The following BCL2L13 variants were observed in gnomAD, a reference collection of about 807,000 sequenced individuals.
The protein encoded by BCL2L13 is BCL2 like 13, also known as bcl-2-like protein 13.
BCL2L13 carries 13 observed loss-of-function variants against 25.8 expected under a neutral mutation model. The observed-to-expected ratio is 0.50, with a 90% CI of 0.33 to 0.80. The LOEUF is 0.80. Ranked by LOEUF, BCL2L13 falls within the 30% of genes least tolerant of loss-of-function variation. The pLI, the probability that BCL2L13 is intolerant of heterozygous loss-of-function variation, is 0.02. For missense variants in BCL2L13, 504 were observed against 574.9 expected, an observed-to-expected ratio of 0.88 and a Z score of 1.26; for synonymous variants, 244 against 230.3, an observed-to-expected ratio of 1.06 and a Z score of -0.54.
intron 6 of BCL2L13, among the ~76,000 whole-genome samples, chr22:17,715,964 A>G (rs182458061): frequency 6.6e-6 from 1 of 152,342 alleles, no homozygotes; most frequent in East Asian, 1.9e-4. Context: ...TCATCCAAGC[A>G]TTTATTGAGC....
At chr22:17,710,067 TA>T (rs71201876) in intron 6 of BCL2L13, among the ~76,000 whole-genome samples, 4,869 of 91,374 alleles carry the variant, frequency 0.053, 150 homozygotes, top group African/African-American at 0.14. Flanking sequence ...GACCTTGTCT[TA>T]AAAAAAAAAA....
At chr22:17,725,585 T>G (rs988147930) in intron 6 of BCL2L13, among the ~76,000 whole-genome samples, 3 of 152,182 alleles carry the variant, frequency 2.0e-5, no homozygotes, top group African/African-American at 2.4e-5. Context: ...TATGAACTCT[T>G]AATGGCACTT....
chr22:17,635,553 G>A (rs554203589), upstream of BCL2L13, among the ~76,000 whole-genome samples: 1 of 152,190 alleles, frequency 6.6e-6, no homozygotes, highest in Non-Finnish European at 1.5e-5. Flanking sequence ...TAGGTTTTCT[G>A]TTCTGTTCCA....
chr22:17,661,781 C>T (rs942540280), intron 2 of BCL2L13, among the ~76,000 whole-genome samples: 2 of 144,544 alleles, frequency 1.4e-5, no homozygotes, highest in South Asian at 2.2e-4. Context: ...CACCTGAGGT[C>T]GGGAGTTAGA....
chr22:17,660,501 C>T (rs1379622502), intron 2 of BCL2L13, among the ~76,000 whole-genome samples: 1 of 146,094 alleles, frequency 6.8e-6, no homozygotes, highest in Non-Finnish European at 1.6e-5. Context: ...CTCACTGCAA[C>T]CTTCACCTTC....
chr22:17,712,743 G>A (rs1384690226), intron 6 of BCL2L13, among the ~76,000 whole-genome samples: 1 of 152,166 alleles, frequency 6.6e-6, no homozygotes, highest in African/African-American at 2.4e-5. Flanking sequence ...TTTGGTGAGT[G>A]GGTTCTCCTC....
At chr22:17,648,062 G>A (rs556257253) in intron 1 of BCL2L13, among the ~76,000 whole-genome samples, 5 of 151,756 alleles carry the variant, frequency 3.3e-5, no homozygotes, top group East Asian at 3.9e-4. Flanking sequence ...CCCAGGAGGC[G>A]AAGGTTGCAG....
chr22:17,706,036 CAG>C (rs1243768834), intron 6 of BCL2L13, among the ~76,000 whole-genome samples: 4 of 152,298 alleles, frequency 2.6e-5, no homozygotes, highest in African/African-American at 9.6e-5. Flanking sequence ...GACTTAGAAA[CAG>C]GGTCTTGCTT....
chr22:17,654,279 A>G (rs2058778299), intron 1 of BCL2L13, among the ~76,000 whole-genome samples: 1 of 151,770 alleles, frequency 6.6e-6, no homozygotes, highest in Admixed American at 6.6e-5. Context: ...AATTTTTAAC[A>G]TTTATTTAGA....
intron 2 of BCL2L13, among the ~76,000 whole-genome samples, chr22:17,667,539 A>G (rs1490425824): frequency 1.3e-5 from 2 of 151,140 alleles, no homozygotes; most frequent in Admixed American, 1.3e-4. Flanking sequence ...GACAGAGTCT[A>G]TCTCTGTTGC....
chr22:17,656,232 T>A (rs5992779), intron 2 of BCL2L13, among the ~76,000 whole-genome samples: 26,333 of 89,486 alleles, frequency 0.29, 3,233 homozygotes, highest in African/African-American at 0.44. Flanking sequence ...AGAGTGAGAC[T>A]CCATCTCAAA....
At position 17,728,083 on chromosome 22, in the gene BCL2L13, A is replaced by G. The variant is rs2061341937; in HGVS notation, c.*549A>G. The G allele has an allele frequency of 6.3e-6, 1 of 157,696 alleles. No homozygotes were observed. Among genetic ancestry groups the G allele is most frequent in the African/African-American group, 2.4e-5 (1 of 41,214 alleles). The allele number at this position is 157,696 out of a possible 1,614,324, so 9.8% of individuals were successfully genotyped here. On this transcript the variant is annotated 3_prime_UTR_variant, in exon 7 of 7. Coordinates refer to ENST00000317582, the MANE Select transcript of BCL2L13 (RefSeq NM_015367.4). Reference sequence around the variant, plus strand: ...TAGCTCTTAATCCCCTTAGAATTTCATCTTTCTCGATGAGCAGGCTCTGCA... The same window carrying G: ...TAGCTCTTAATCCCCTTAGAATTTCGTCTTTCTCGATGAGCAGGCTCTGCA...
chr22:17,671,152 TG>T (rs914907796), intron 2 of BCL2L13, among the ~76,000 whole-genome samples: 2 of 151,726 alleles, frequency 1.3e-5, no homozygotes, highest in African/African-American at 4.8e-5. Context: ...GCCAACACTT[TG>T]GGAGGCCGAG....
chr22:17,669,272 T>A (rs567064313), intron 2 of BCL2L13, among the ~76,000 whole-genome samples: 1 of 152,262 alleles, frequency 6.6e-6, no homozygotes, highest in East Asian at 1.9e-4. Flanking sequence ...GACCTCGTGA[T>A]CTGCCCGCCT....
chr22:17,695,021 TCTG>T (rs2060221009), intron 4 of BCL2L13, among the ~76,000 whole-genome samples: 1 of 145,160 alleles, frequency 6.9e-6, no homozygotes, highest in Non-Finnish European at 1.5e-5. Flanking sequence ...GTCATGCAAA[TCTG>T]CTACAGGTGT....
chr22:17,689,176 T>C, intron 4 of BCL2L13, 34 bp downstream of exon 4: 4 of 1,606,064 alleles, frequency 2.5e-6, no homozygotes, highest in Non-Finnish European at 3.4e-6. Context: ...TGTGCTTCTT[T>C]AAGTAGTCTC....
intron 2 of BCL2L13, among the ~76,000 whole-genome samples, chr22:17,673,384 CAG>C (rs1306837563): frequency 1.5e-5 from 2 of 130,552 alleles, no homozygotes; most frequent in African/African-American, 2.9e-5. Context: ...TTTTTTGAGA[CAG>C]AGCCTCACTC....
At chr22:17,690,854 G>C (rs1051470942) in intron 4 of BCL2L13, among the ~76,000 whole-genome samples, 2 of 152,000 alleles carry the variant, frequency 1.3e-5, no homozygotes, top group Non-Finnish European at 1.5e-5. Flanking sequence ...GAAGTATATG[G>C]GTGTTGGGAA....
chr22:17,711,669 A>G (rs1327942330), intron 6 of BCL2L13, among the ~76,000 whole-genome samples: 1 of 152,212 alleles, frequency 6.6e-6, no homozygotes, highest in Admixed American at 6.5e-5. Flanking sequence ...ACTGAGAACT[A>G]AAATTCTTAG....
Sources: gnomAD v4.1 joint callset for allele counts (sites outside exome capture counted in the v4.1 genomes callset) on GRCh38, gnomAD v4.1.1 for gene constraint, MANE v1.5 for transcripts, NCBI Gene and HGNC (gene_info 2026-07-23, HGNC 2026-07-21) for gene names.